NCDN: variants seen among roughly 807,000 people sequenced by gnomAD.
NCDN encodes the protein neurochondrin, also known as norbin.
Under a neutral mutation model 60.7 loss-of-function variants are expected in NCDN, and 9 were observed. That is an observed-to-expected ratio of 0.15 (90% CI 0.09 to 0.26). The LOEUF is 0.26. Ranked by LOEUF, NCDN falls within the 10% of genes least tolerant of loss-of-function variation. NCDN has a pLI of 1.00. For missense variants in NCDN, 578 were observed against 975.2 expected (o/e 0.59, Z 5.42); for synonymous variants, 409 against 442.5 (o/e 0.92, Z 0.95).
intron 6 of NCDN, among the ~76,000 whole-genome samples, chr1:35,564,465 C>T (rs1648806432): frequency 6.6e-6 from 1 of 152,222 alleles, no homozygotes; most frequent in Non-Finnish European, 1.5e-5. Context: ...CCCTCTGTCC[C>T]TGCCTGTTCC....
Position 35,563,533 on chromosome 1 carries a change from G to A in NCDN, c.1610+107G>A. The A allele has an allele frequency of 3.9e-6, 5 of 1,282,112 alleles. No homozygotes were observed. Among genetic ancestry groups the A allele is most frequent in the Non-Finnish European group, 5.4e-6 (5 of 917,952 alleles). 79.4% of individuals were successfully genotyped at this position (1,282,112 alleles called of 1,614,324 possible). A position where few individuals can be genotyped will look rare whatever the true frequency, so the allele number is the denominator to read the frequency against. ...CTTTGCCCCCCATGCCCATGGATTT[G>A]TTAGTGGTAGCATGGGGGTCTCAGA... On this transcript the variant is annotated intron_variant, in intron 5 of 6. Transcript: ENST00000373243. This position sits in a 1 kb window ranked among gnomAD's most constrained non-coding sequence, Gnocchi z 6.6.
At position 35,559,090 on chromosome 1, in the gene NCDN, C is replaced by G; in HGVS notation, c.34-17C>G. The stretch of plus-strand genomic sequence containing the variant: ...CCTCCTCTGCAGAGGGATGCTCAGT[C>G]CCTCTTGTGTTCACAGTTGGGCAAG... On this transcript the variant is annotated splice_polypyrimidine_tract_variant and intron_variant, in intron 1 of 6. Transcript: ENST00000373243. 1 of 1,473,476 alleles carries G rather than the reference C, an allele frequency of 6.8e-7. No homozygotes were observed. The highest frequency in any genetic ancestry group is 1.1e-5 in the South Asian group (1 of 89,214). The allele number at this position is 1,473,476 out of a possible 1,614,324, so 91.3% of individuals were successfully genotyped here. A position where few individuals can be genotyped will look rare whatever the true frequency, so the allele number is the denominator to read the frequency against.
chr1:35,559,046 C>A (rs1648568972), intron 1 of NCDN, 61 bp from the exon 2 acceptor site: 2 of 1,240,534 alleles, frequency 1.6e-6, no homozygotes, highest in African/African-American at 1.5e-5. Flanking sequence ...TCCACTCTCA[C>A]CCCCACCCCA....
Position 35,562,310 on chromosome 1 carries a change from A to G in NCDN, c.1144-82A>G. On this transcript the variant is annotated intron_variant, in intron 3 of 6. Coordinates refer to ENST00000373243, the MANE Select transcript of NCDN (RefSeq NM_014284.3). This position sits in a 1 kb window ranked among gnomAD's most constrained non-coding sequence, Gnocchi z 6.8. ...CAGGCCAGAATTTCCTTCTAGTTGT[A>G]TTATTTCTAGCTGGCTGGCCTCTGG... 2 of 1,551,996 alleles carry G rather than the reference A, an allele frequency of 1.3e-6. No homozygotes were observed. Among genetic ancestry groups the G allele is most frequent in the Non-Finnish European group, 8.7e-7 (1 of 1,147,008 alleles).
Position 35,558,389 on chromosome 1 carries a change from G to A in NCDN, c.33+166G>A. The stretch of plus-strand genomic sequence containing the variant: ...CACAGGCTGGTAGCGGGACGGGGAG[G>A]GCGAGAAGAGGGAGCGCAAGGGGTT... On this transcript the variant is annotated intron_variant, in intron 1 of 6. Coordinates refer to ENST00000373243, the MANE Select transcript of NCDN (RefSeq NM_014284.3). The surrounding 1 kb of genome is among the most constrained non-coding windows in gnomAD (Gnocchi z 6.3). 2 of 1,494,948 alleles carry A rather than the reference G, an allele frequency of 1.3e-6. No individual in the cohort carries two copies. Among genetic ancestry groups the A allele is most frequent in the Middle Eastern group, 2.1e-4 (1 of 4,806 alleles). The allele number at this position is 1,494,948 out of a possible 1,614,324, so 92.6% of individuals were successfully genotyped here.
Position 35,565,335 on chromosome 1 carries a change from C to T in NCDN, c.1862C>T (p.Ala621Val). Residue 621 changes from alanine (A) to valine (V), a missense_variant, in exon 7 of 7, where the codon GCC (alanine) becomes GTC (valine). By Grantham distance (64) the Ala-to-Val change is moderately conservative (BLOSUM62 0). Around this residue, in one of 3 missense-constraint regions of NCDN, gnomAD observed 191 missense variants for 372.1 expected, o/e 0.51. Transcript: ENST00000373243. The surrounding 1 kb of genome is among the most constrained non-coding windows in gnomAD (Gnocchi z 8.9). The part of the protein sequence containing the change: ...ATPGSDQAVL[A>V]LSPEYEGIWA... ...CCGGGCTCAGACCAGGCAGTGCTAG[C>T]CCTGTCCCCTGAGTATGAGGGCATC... The T allele has an allele frequency of 6.2e-7, 1 of 1,614,034 alleles. No individual in the cohort carries two copies. The highest frequency in any genetic ancestry group is 1.1e-5 in the South Asian group (1 of 91,088).
chr1:35,559,353 C>G, intron 2 of NCDN, 106 bp downstream of exon 2: 1 of 1,454,552 alleles, frequency 6.9e-7, no homozygotes, highest in Non-Finnish European at 9.4e-7. Flanking sequence ...GCTAGCAACC[C>G]TGGAGGCACC....
In NCDN at chr1:35,563,891, C is replaced by T; in HGVS notation, c.1735C>T (p.Leu579Phe). Residue 579 changes from leucine to phenylalanine, a missense_variant, in exon 6 of 7, where the codon CTC (leucine) becomes TTC (phenylalanine). Physicochemically the swap from Leu to Phe is conservative, Grantham distance 22. Transcript: ENST00000373243. The surrounding 1 kb of genome is among the most constrained non-coding windows in gnomAD (Gnocchi z 6.6). The stretch of plus-strand genomic sequence containing the variant: ...CACCCTGGGGCTCCTCATGGCCCGG[C>T]TCCTTAGCACCTCTCCAGGTAAGAA... The part of the protein sequence containing the change: ...VATLGLLMAR[L>F]LSTSPALQGT... 6.2e-7 allele frequency: 1 copy of T among 1,613,948 alleles called. No individual in the cohort carries two copies. The highest frequency in any genetic ancestry group is 8.5e-7 in the Non-Finnish European group (1 of 1,179,904).
chr1:35,562,597 C>T lies in NCDN; in HGVS notation c.1349C>T (p.Thr450Ile), dbSNP rs142794758. The stretch of plus-strand genomic sequence containing the variant: ...GTGGCCAACCTGGCCATCTCCCCCA[C>T]CACCCCAGGGCCCACCTGGCCAGGA... ...QQVANLAISP[T>I]TPGPTWPGDA... The change falls in exon 4 of 7, where the codon ACC (threonine) becomes ATC (isoleucine). Residue 450 changes from threonine to isoleucine, a missense_variant. Around this residue, in one of 3 missense-constraint regions of NCDN, gnomAD observed 24 missense variants for 19.5 expected, o/e 1.23. Coordinates refer to ENST00000373243, the MANE Select transcript of NCDN (RefSeq NM_014284.3). This position sits in a 1 kb window ranked among gnomAD's most constrained non-coding sequence, Gnocchi z 6.8. 4.2e-4 allele frequency: 685 copies of T among 1,614,010 alleles called. 1 individual carries two copies. Among genetic ancestry groups the T allele is most frequent in the Non-Finnish European group, 5.5e-4 (645 of 1,179,936 alleles).
Position 35,558,151 on chromosome 1 carries a change from T to A in NCDN, c.-40T>A, listed in dbSNP as rs777750148. The A allele has an allele frequency of 6.2e-7, 1 of 1,613,294 alleles. No homozygotes were observed. The highest frequency in any genetic ancestry group is 8.5e-7 in the Non-Finnish European group (1 of 1,179,430). On this transcript the variant is annotated 5_prime_UTR_variant, in exon 1 of 7. Transcript: ENST00000373243. This position sits in a 1 kb window ranked among gnomAD's most constrained non-coding sequence, Gnocchi z 6.3. ...TCTCCGTGACATCACCGCGCCATCG[T>A]GAAGTGTGATCTCATCGCCGCCCTG...
chr1:35,565,579 G>A lies in NCDN; in HGVS notation c.2106G>A (p.Arg702=). The part of the protein sequence containing the change: ...VELARANRLC[R]EAMRLQAGEE... ...TGGCGCGGGCCAACCGGCTGTGCCG[G>A]GAGGCCATGAGGCTGCAGGCGGGCG... The change falls in exon 7 of 7, where the codon CGG becomes CGA. Residue 702 remains arginine (R), a synonymous_variant. Coordinates refer to ENST00000373243, the MANE Select transcript of NCDN (RefSeq NM_014284.3). The surrounding 1 kb of genome is among the most constrained non-coding windows in gnomAD (Gnocchi z 8.9). 1 of 1,565,710 alleles carries A rather than the reference G, an allele frequency of 6.4e-7. No homozygotes were observed. Among genetic ancestry groups the A allele is most frequent in the Non-Finnish European group, 8.6e-7 (1 of 1,159,734 alleles).
rs1312596978 is a variant in NCDN at position 35,565,776 on chromosome 1, C to T, written c.*113C>T. 1 of 1,189,738 alleles carries T rather than the reference C, an allele frequency of 8.4e-7. No individual in the cohort carries two copies. Among genetic ancestry groups the T allele is most frequent in the South Asian group, 1.6e-5 (1 of 62,998 alleles). 73.7% of individuals were successfully genotyped at this position (1,189,738 alleles called of 1,614,324 possible). On this transcript the variant is annotated 3_prime_UTR_variant, in exon 7 of 7. Transcript: ENST00000373243. The surrounding 1 kb of genome is among the most constrained non-coding windows in gnomAD (Gnocchi z 8.9). ...CCCTCCCCAGACTTCCTCCCCAAAA[C>T]ACCCCAGCTTTCTGGCTTTTCTGAG...
At position 35,558,503 on chromosome 1, in the gene NCDN, C is replaced by A. The variant is rs536297322; in HGVS notation, c.33+280C>A. On this transcript the variant is annotated intron_variant, in intron 1 of 6. Coordinates refer to ENST00000373243, the MANE Select transcript of NCDN (RefSeq NM_014284.3). The surrounding 1 kb of genome is among the most constrained non-coding windows in gnomAD (Gnocchi z 6.3). Reference sequence around the variant, plus strand: ...AGAGGAGGCAAGGAGCCTGCGGGGGCGACTGAGAGCCCTGGCTGGAGGGGT... The same window carrying A: ...AGAGGAGGCAAGGAGCCTGCGGGGGAGACTGAGAGCCCTGGCTGGAGGGGT... The A allele has an allele frequency of 5.1e-6, 7 of 1,373,238 alleles. No individual in the cohort carries two copies. Among genetic ancestry groups the A allele is most frequent in the Non-Finnish European group, 6.6e-6 (7 of 1,064,378 alleles). The allele number at this position is 1,373,238 out of a possible 1,614,324, so 85.1% of individuals were successfully genotyped here. A position where few individuals can be genotyped will look rare whatever the true frequency, so the allele number is the denominator to read the frequency against.
intron 1 of NCDN, 56 bp from the exon 2 acceptor site, chr1:35,559,050 CA>C: frequency 7.7e-7 from 1 of 1,298,704 alleles, no homozygotes; most frequent in South Asian, 1.2e-5. Context: ...CTCTCACCCC[CA>C]CCCCACCCCC....
intron 6 of NCDN, 105 bp downstream of exon 6, chr1:35,564,014 T>C: frequency 7.3e-7 from 1 of 1,361,816 alleles, no homozygotes; most frequent in South Asian, 1.5e-5. Flanking sequence ...TTTTGCAGCA[T>C]TTTCTAAGCA....
In NCDN at chr1:35,566,519, A is replaced by T. The variant is rs1161792212; in HGVS notation, c.*856A>T. ...CATGTTTCCCCAGTGATTACACTCC[A>T]CTGCCACCGTGGTGCCTGGCTTTAA... On this transcript the variant is annotated 3_prime_UTR_variant, in exon 7 of 7. Coordinates refer to ENST00000373243, the MANE Select transcript of NCDN (RefSeq NM_014284.3). This position sits in a 1 kb window ranked among gnomAD's most constrained non-coding sequence, Gnocchi z 5.3. 3.2e-6 allele frequency: 1 copy of T among 315,748 alleles called. No homozygotes were observed. Among genetic ancestry groups the T allele is most frequent in the Non-Finnish European group, 6.3e-6 (1 of 158,140 alleles). 19.6% of individuals were successfully genotyped at this position (315,748 alleles called of 1,614,324 possible). A position where few individuals can be genotyped will look rare whatever the true frequency, so the allele number is the denominator to read the frequency against.
Position 35,565,458 on chromosome 1 carries a change from G to A in NCDN, c.1985G>A (p.Arg662His), listed in dbSNP as rs760317998. 1.3e-5 allele frequency: 21 copies of A among 1,608,084 alleles called. No individual in the cohort carries two copies. Among genetic ancestry groups the A allele is most frequent in the African/African-American group, 4.0e-5 (3 of 74,832 alleles). The change falls in exon 7 of 7, where the codon CGC becomes CAC. Residue 662 changes from arginine to histidine, a missense_variant. Arg to His is a conservative substitution (Grantham distance 29). This residue lies in a region of NCDN where 191 missense variants were observed against 372.1 expected (regional missense o/e 0.51). Transcript: ENST00000373243. The surrounding 1 kb of genome is among the most constrained non-coding windows in gnomAD (Gnocchi z 8.9). Reference sequence around the variant, plus strand: ...CTGGCCCCCGCTGCCCTGCGCTCCCGCTGGCCGCAGGAGCTGCTCCAGCTG... The same window carrying A: ...CTGGCCCCCGCTGCCCTGCGCTCCCACTGGCCGCAGGAGCTGCTCCAGCTG... ...PWLAPAALRS[R>H]WPQELLQLLG...
rs368201360 is a variant in NCDN at position 35,565,023 on chromosome 1, C to A, written c.1754-204C>A. 3.3e-3 allele frequency among the ~76,000 whole-genome samples: 506 copies of A among 152,300 alleles called. 2 individuals carry two copies. The highest frequency in any genetic ancestry group is 4.6e-3 in the Non-Finnish European group (314 of 68,030). The stretch of plus-strand genomic sequence containing the variant: ...ATTTCTAAGATGAGCACTATTGGCC[C>A]ATTTTACAAGTAAAGAAACAGACCC... On this transcript the variant is annotated intron_variant, in intron 6 of 6. Coordinates refer to ENST00000373243, the MANE Select transcript of NCDN (RefSeq NM_014284.3). This position sits in a 1 kb window ranked among gnomAD's most constrained non-coding sequence, Gnocchi z 8.9.
chr1:35,565,823 C>T lies in NCDN; in HGVS notation c.*160C>T, dbSNP rs1648855970. 1.3e-6 allele frequency: 1 copy of T among 778,894 alleles called. No individual in the cohort carries two copies. The highest frequency in any genetic ancestry group is 1.8e-5 in the South Asian group (1 of 54,142). The allele number at this position is 778,894 out of a possible 1,614,324, so 48.2% of individuals were successfully genotyped here. The stretch of plus-strand genomic sequence containing the variant: ...TGAGGGCAAGGGCATGGTGCCCACC[C>T]CTCAAGTGTAAGGAACTGCGTTCCG... On this transcript the variant is annotated 3_prime_UTR_variant, in exon 7 of 7. Coordinates refer to ENST00000373243, the MANE Select transcript of NCDN (RefSeq NM_014284.3). The surrounding 1 kb of genome is among the most constrained non-coding windows in gnomAD (Gnocchi z 8.9).
Sources: gnomAD v4.1 joint callset for allele counts (sites outside exome capture counted in the v4.1 genomes callset) on GRCh38, gnomAD v4.1.1 for gene constraint, gnomAD v4.1.1 regional missense constraint, Gnocchi (gnomAD v3.1) non-coding constraint, MANE v1.5 for transcripts, NCBI Gene and HGNC (gene_info 2026-07-23, HGNC 2026-07-21) for gene names.